Variants in EXT1 observed in about 807,000 individuals in gnomAD.
The protein encoded by EXT1 is exostosin glycosyltransferase 1, also known as exostosin-1.
In EXT1, 20 loss-of-function variants were observed where a neutral mutation model predicts 82.5. The observed-to-expected ratio is 0.24, with a 90% CI of 0.17 to 0.35. EXT1 has a LOEUF of 0.35. Ranked by LOEUF, EXT1 falls within the 10% of genes least tolerant of loss-of-function variation. The pLI is 1.00. For missense variants in EXT1, 757 were observed against 936.5 expected, an observed-to-expected ratio of 0.81 and a Z score of 2.50; for synonymous variants, 348 against 350.8, an observed-to-expected ratio of 0.99 and a Z score of 0.09.
At chr8:117,935,779 G>A (rs962569098) in intron 1 of EXT1, among the ~76,000 whole-genome samples, 13 of 152,036 alleles carry the variant, frequency 8.6e-5, no homozygotes, top group African/African-American at 2.7e-4. Context: ...TTGGAGCTCT[G>A]TAATAGTCTC....
At chr8:117,990,831 C>A (rs1445126171) in intron 1 of EXT1, among the ~76,000 whole-genome samples, 2 of 152,182 alleles carry the variant, frequency 1.3e-5, no homozygotes, top group South Asian at 4.1e-4. Context: ...TACAGAGGAC[C>A]CTTACATGCA....
chr8:117,903,868 T>C (rs1042010617), intron 1 of EXT1, among the ~76,000 whole-genome samples: 2 of 152,216 alleles, frequency 1.3e-5, no homozygotes, highest in East Asian at 3.8e-4. Context: ...CTATAAAGGA[T>C]GTTCTAATGG....
chr8:117,987,456 C>A (rs994042411), intron 1 of EXT1, among the ~76,000 whole-genome samples: 1 of 152,218 alleles, frequency 6.6e-6, no homozygotes, highest in Non-Finnish European at 1.5e-5. Flanking sequence ...GTTCCAGACA[C>A]TGGCACAGGG....
intron 1 of EXT1, among the ~76,000 whole-genome samples, chr8:117,877,366 G>A (rs551389244): frequency 6.6e-6 from 1 of 152,304 alleles, no homozygotes; most frequent in East Asian, 1.9e-4. Context: ...AACCTTCACA[G>A]GGAGTGGAGA....
intron 8 of EXT1, among the ~76,000 whole-genome samples, chr8:117,810,318 GAA>G (rs1338849696): frequency 5.9e-5 from 9 of 152,150 alleles, no homozygotes; most frequent in African/African-American, 2.2e-4. Flanking sequence ...TAAAAAAAGA[GAA>G]AAGAGAAATC....
rs575218046 is a variant in EXT1 at position 117,825,812 on chromosome 8, G to A, written c.1285-3215C>T. Among the ~76,000 whole-genome samples the A allele has an allele frequency of 6.8e-4, 103 of 152,204 alleles. 1 individual carries two copies. The highest frequency in any genetic ancestry group is 2.4e-3 in the African/African-American group (99 of 41,534). ...GATAGCATCAGCAATACTATGGTTCGTATGTGCATGATTAGATAACTGAGG... is the reference window on the plus strand; with the variant it reads ...GATAGCATCAGCAATACTATGGTTCATATGTGCATGATTAGATAACTGAGG... On this transcript the variant is annotated intron_variant, in intron 4 of 10. Coordinates refer to ENST00000378204, the MANE Select transcript of EXT1 (RefSeq NM_000127.3).
At chr8:117,992,260 A>G (rs573655433) in intron 1 of EXT1, among the ~76,000 whole-genome samples, 2 of 152,152 alleles carry the variant, frequency 1.3e-5, no homozygotes, top group African/African-American at 4.8e-5. Context: ...ATAAGTGCAA[A>G]GAAGAATTAC....
At chr8:117,984,674 T>G (rs987571576) in intron 1 of EXT1, among the ~76,000 whole-genome samples, 1 of 152,036 alleles carries the variant, frequency 6.6e-6, no homozygotes, top group African/African-American at 2.4e-5. Flanking sequence ...TTTTTCCTTG[T>G]GTAGACAGGA....
At chr8:118,025,366 A>G (rs192150838) in intron 1 of EXT1, among the ~76,000 whole-genome samples, 11 of 152,288 alleles carry the variant, frequency 7.2e-5, no homozygotes, top group Admixed American at 6.5e-4. Flanking sequence ...ATTCCAGCCA[A>G]AGAATGTTGG....
rs117730661 is a variant in EXT1 at position 118,000,131 on chromosome 8, C to T, written c.962+109954G>A. On this transcript the variant is annotated intron_variant, in intron 1 of 10. Coordinates refer to ENST00000378204, the MANE Select transcript of EXT1 (RefSeq NM_000127.3). Reference sequence around the variant, plus strand: ...TTGCTTGCGTTTAATCAAATGTGATCCTGTTCCTCCTTTATCCAAAGCTAA... The same window carrying T: ...TTGCTTGCGTTTAATCAAATGTGATTCTGTTCCTCCTTTATCCAAAGCTAA... 2.1e-3 allele frequency among the ~76,000 whole-genome samples: 324 copies of T among 152,184 alleles called. 1 individual carries two copies. Among genetic ancestry groups the T allele is most frequent in the Non-Finnish European group, 3.4e-3 (229 of 68,026 alleles).
intron 1 of EXT1, among the ~76,000 whole-genome samples, chr8:118,097,107 C>T (rs918094377): frequency 6.6e-6 from 1 of 152,138 alleles, no homozygotes; most frequent in Non-Finnish European, 1.5e-5. Context: ...CTCATCCCCA[C>T]TCCTACTTTG....
At chr8:117,799,934 G>A (rs2129680535) in intron 10 of EXT1, 37 bp from the exon 11 acceptor site, 4 of 1,604,162 alleles carry the variant, frequency 2.5e-6, no homozygotes, top group Admixed American at 1.7e-5. Context: ...AATGATGAGA[G>A]AAGTGCAAGG....
At chr8:117,969,984 C>A (rs1431909159) in intron 1 of EXT1, among the ~76,000 whole-genome samples, 1 of 152,152 alleles carries the variant, frequency 6.6e-6, no homozygotes, top group Non-Finnish European at 1.5e-5. Context: ...AGAACTGATT[C>A]TAGTGTCTGC....
chr8:117,958,814 C>T (rs1488687049), intron 1 of EXT1, among the ~76,000 whole-genome samples: 1 of 152,156 alleles, frequency 6.6e-6, no homozygotes, highest in South Asian at 2.1e-4. Flanking sequence ...TTAAATTATT[C>T]CATTGAAAAC....
intron 1 of EXT1, among the ~76,000 whole-genome samples, chr8:118,038,443 A>G (rs746233391): frequency 1.1e-4 from 17 of 152,074 alleles, no homozygotes; most frequent in Non-Finnish European, 2.4e-4. Context: ...CAAGCATCTG[A>G]CTCTGGTTAA....
At chr8:117,957,548 A>AT (rs1814613308) in intron 1 of EXT1, among the ~76,000 whole-genome samples, 1 of 152,204 alleles carries the variant, frequency 6.6e-6, no homozygotes, top group African/African-American at 2.4e-5. Flanking sequence ...CTCTGCCCAG[A>AT]AGTAATCACT....
chr8:118,065,012 C>T (rs1324329100), intron 1 of EXT1, among the ~76,000 whole-genome samples: 1 of 152,004 alleles, frequency 6.6e-6, no homozygotes, highest in African/African-American at 2.4e-5. Context: ...GCCACCACAC[C>T]CAGCTAATTT....
chr8:118,048,004 C>A (rs572428870), intron 1 of EXT1, among the ~76,000 whole-genome samples: 1 of 148,012 alleles, frequency 6.8e-6, no homozygotes, highest in Non-Finnish European at 1.5e-5. Flanking sequence ...CTGGCCTGGA[C>A]AACAGAACAA....
intron 1 of EXT1, among the ~76,000 whole-genome samples, chr8:118,018,679 A>T (rs900643152): frequency 1.3e-5 from 2 of 152,220 alleles, no homozygotes; most frequent in Non-Finnish European, 2.9e-5. Flanking sequence ...TCTTCCAGGA[A>T]ATAATAAATT....
Sources: allele counts gnomAD v4.1 joint callset (sites outside exome capture counted in the v4.1 genomes callset), GRCh38; gene constraint gnomAD v4.1.1; transcripts MANE v1.5; gene names NCBI Gene and HGNC (gene_info 2026-07-23, HGNC 2026-07-21).